GRIP1: variants seen among roughly 807,000 people sequenced by gnomAD.
The protein encoded by GRIP1 is glutamate receptor interacting protein 1, also known as glutamate receptor-interacting protein 1.
A neutral mutation model predicts 129.9 loss-of-function variants in GRIP1; 45 were observed. That is an observed-to-expected ratio of 0.35 (90% CI 0.27 to 0.44). The LOEUF (loss-of-function observed/expected upper bound fraction) is 0.44, where lower values mean the gene tolerates loss of function less well. GRIP1 is among the 20% of genes least tolerant of loss of function. GRIP1 has a pLI of 1.00. For missense variants in GRIP1, 1,196 were observed against 1,396.8 expected, an observed-to-expected ratio of 0.86 and a Z score of 2.29; for synonymous variants, 530 against 520.8, an observed-to-expected ratio of 1.02 and a Z score of -0.24.
At chr12:66,527,339 T>C (rs1416088083) in intron 5 of GRIP1, among the ~76,000 whole-genome samples, 1 of 152,020 alleles carries the variant, frequency 6.6e-6, no homozygotes, top group Admixed American at 6.6e-5. Flanking sequence ...TGGAATACTA[T>C]GCAGCCATAA....
chr12:66,779,077 G>C (rs2038077236), intron 1 of GRIP1, among the ~76,000 whole-genome samples: 1 of 152,134 alleles, frequency 6.6e-6, no homozygotes, highest in Non-Finnish European at 1.5e-5. Flanking sequence ...CAGAAAACCG[G>C]CTCAATAAAG....
intron 1 of GRIP1, among the ~76,000 whole-genome samples, chr12:66,656,383 C>A (rs998038244): frequency 4.6e-5 from 7 of 151,946 alleles, no homozygotes; most frequent in African/African-American, 1.7e-4. Flanking sequence ...ATTGCAAAAT[C>A]TAAATATCTG....
intron 1 of GRIP1, among the ~76,000 whole-genome samples, chr12:66,883,999 T>C (rs1435502961): frequency 2.0e-5 from 3 of 152,244 alleles, no homozygotes; most frequent in African/African-American, 4.8e-5. Flanking sequence ...AGGGTGATCA[T>C]GCCAGTGCAC....
chr12:66,707,670 T>G (rs1203855688), intron 1 of GRIP1, among the ~76,000 whole-genome samples: 1 of 151,906 alleles, frequency 6.6e-6, no homozygotes, highest in Admixed American at 6.6e-5. Flanking sequence ...TCCCTCCACA[T>G]CCTTCCTGCA....
chr12:66,550,101 T>C (rs1481792700), intron 2 of GRIP1, among the ~76,000 whole-genome samples: 3 of 152,200 alleles, frequency 2.0e-5, no homozygotes, highest in Admixed American at 6.5e-5. Flanking sequence ...AATACGAGAA[T>C]TGTTCCAATT....
At position 66,837,352 on chromosome 12, in the gene GRIP1, T is replaced by C. The variant is rs145801274; in HGVS notation, c.58+231698A>G. ...AGAGACAGAACAATGAAGCAACTGA[T>C]TGACTCTATTTGGGTGAGTCAAGAA... On this transcript the variant is annotated intron_variant, in intron 1 of 1. Coordinates refer to the GRIP1 transcript ENST00000643019. Among the ~76,000 whole-genome samples the C allele has an allele frequency of 6.4e-3, 976 of 152,292 alleles. 4 individuals are homozygous for C. Among genetic ancestry groups the C allele is most frequent in the African/African-American group, 0.016 (683 of 41,562 alleles).
chr12:66,612,694 T>A (rs2064860487), intron 1 of GRIP1, among the ~76,000 whole-genome samples: 1 of 152,016 alleles, frequency 6.6e-6, no homozygotes, highest in Non-Finnish European at 1.5e-5. Context: ...ATAGAAAAGG[T>A]ACAAATATGA....
chr12:66,939,595 T>C (rs1427706028), intron 1 of GRIP1, among the ~76,000 whole-genome samples: 2 of 152,114 alleles, frequency 1.3e-5, no homozygotes, highest in East Asian at 3.9e-4. Flanking sequence ...TCATTCCAAC[T>C]GGGGCATGGG....
chr12:66,612,912 T>G (rs2064869911), intron 1 of GRIP1, among the ~76,000 whole-genome samples: 1 of 152,176 alleles, frequency 6.6e-6, no homozygotes, highest in East Asian at 1.9e-4. Flanking sequence ...AAGAATGTTC[T>G]TCTTCATATG....
At chr12:66,992,124 C>T (rs2042402561) in intron 1 of GRIP1, among the ~76,000 whole-genome samples, 1 of 152,164 alleles carries the variant, frequency 6.6e-6, no homozygotes, top group Admixed American at 6.5e-5. Flanking sequence ...GGGCTATAGC[C>T]TCCAAATGCA....
At chr12:66,715,390 C>T (rs934146376) in intron 1 of GRIP1, among the ~76,000 whole-genome samples, 1 of 150,524 alleles carries the variant, frequency 6.6e-6, no homozygotes, top group Non-Finnish European at 1.5e-5. Flanking sequence ...GAACAAATTC[C>T]TATTTTAGCC....
chr12:66,461,967 G>A (rs191864804), intron 9 of GRIP1, among the ~76,000 whole-genome samples: 11 of 152,270 alleles, frequency 7.2e-5, no homozygotes, highest in African/African-American at 2.2e-4. Context: ...AGAGGGAGTC[G>A]GAACAAATAT....
rs199791738 is a variant in GRIP1, at chr12:66,529,912, C to T, written c.421G>A (p.Val141Met). 2.8e-5 allele frequency: 43 copies of T among 1,562,620 alleles called. No homozygotes were observed. In the Middle Eastern group the frequency reaches 2.7e-3, roughly 98 times the overall value. Reference protein sequence around the residue: ...EVEYELPPVSVQGSSVIFRTV... With the variant: ...EVEYELPPVSMQGSSVIFRTV... ...CGGAAAATAACACTTGATCCTTGCA[C>T]AGCTGAATAAAGGAAAGAGAGAAGG... is the stretch of plus-strand genomic sequence containing the variant. Residue 141 changes from valine (V) to methionine (M), a missense_variant and splice_region_variant, in exon 5 of 25, where the codon GTG becomes ATG. Coordinates refer to ENST00000359742, the MANE Select transcript of GRIP1 (RefSeq NM_001366722.1).
intron 1 of GRIP1, among the ~76,000 whole-genome samples, chr12:66,896,631 G>T (rs1219571295): frequency 1.3e-5 from 2 of 152,170 alleles, no homozygotes; most frequent in Non-Finnish European, 2.9e-5. Context: ...CCCTTCCAGA[G>T]ATGTGGTTGT....
intron 1 of GRIP1, among the ~76,000 whole-genome samples, chr12:66,901,931 G>T (rs1042430704): frequency 2.0e-5 from 3 of 152,150 alleles, no homozygotes; most frequent in African/African-American, 7.2e-5. Context: ...AATGCATTCA[G>T]CAACAAAAAA....
intron 13 of GRIP1, among the ~76,000 whole-genome samples, chr12:66,442,889 T>A (rs187109280): frequency 1.9e-4 from 29 of 152,344 alleles, no homozygotes; most frequent in African/African-American, 7.0e-4. Context: ...ACAAGCTTCA[T>A]ACAATATAAG....
chr12:66,645,045 T>C (rs2032244769), intron 1 of GRIP1, among the ~76,000 whole-genome samples: 1 of 152,216 alleles, frequency 6.6e-6, no homozygotes, highest in Admixed American at 6.5e-5. Context: ...AATGGCTTTA[T>C]GGTCAATCAA....
At chr12:67,056,186 A>C (rs1001448955) in intron 1 of GRIP1, among the ~76,000 whole-genome samples, 2 of 152,186 alleles carry the variant, frequency 1.3e-5, no homozygotes, top group African/African-American at 4.8e-5. Context: ...TCCTTTTAAG[A>C]ACCATTTCAT....
chr12:66,811,255 C>G (rs1293569912), intron 1 of GRIP1, among the ~76,000 whole-genome samples: 1 of 152,088 alleles, frequency 6.6e-6, no homozygotes, highest in Non-Finnish European at 1.5e-5. Flanking sequence ...CATAAAAGAG[C>G]AAAAGCATAA....
Sources: allele counts gnomAD v4.1 joint callset (sites outside exome capture counted in the v4.1 genomes callset), GRCh38; gene constraint gnomAD v4.1.1; transcripts MANE v1.5; gene names NCBI Gene and HGNC (gene_info 2026-07-23, HGNC 2026-07-21).